The following SV2C variants were observed in gnomAD, a reference collection of about 807,000 sequenced individuals.
SV2C encodes solute carrier family 22 member B3.
Under a neutral mutation model 79.7 loss-of-function variants are expected in SV2C, and 49 were observed. That is an observed-to-expected ratio of 0.61 (90% CI 0.49 to 0.78). The LOEUF (loss-of-function observed/expected upper bound fraction) is 0.78, where lower values mean the gene tolerates loss of function less well. SV2C is among the 30% of genes least tolerant of loss of function. The pLI, the probability that SV2C is intolerant of heterozygous loss-of-function variation, is 0.00. For missense variants in SV2C, 833 were observed against 912.9 expected, an observed-to-expected ratio of 0.91 and a Z score of 1.13; for synonymous variants, 334 against 333.2, an observed-to-expected ratio of 1.00 and a Z score of -0.03.
the SV2C span, among the ~76,000 whole-genome samples, chr5:75,872,540 G>T: frequency 1.3e-5 from 2 of 152,008 alleles, no homozygotes; most frequent in Admixed American, 6.6e-5. Flanking sequence ...TAACAGAGGG[G>T]AATTGACAAA....
chr5:76,104,009 T>G (rs1747824223), intron 1 of SV2C, among the ~76,000 whole-genome samples: 1 of 152,192 alleles, frequency 6.6e-6, no homozygotes. Flanking sequence ...ATAAAAAGTA[T>G]ATACATCATG....
At chr5:76,166,932 G>A (rs886869950) in intron 2 of SV2C, among the ~76,000 whole-genome samples, 7 of 152,134 alleles carry the variant, frequency 4.6e-5, no homozygotes, top group African/African-American at 1.7e-4. Flanking sequence ...TGACCCAAGA[G>A]GTCTCCTCTA....
Position 76,208,510 on chromosome 5 carries a change from C to T in SV2C, c.762-1226C>T, listed in dbSNP as rs80290665. Among the ~76,000 whole-genome samples the T allele has an allele frequency of 6.4e-3, 979 of 152,268 alleles. 3 individuals carry two copies. The highest frequency in any genetic ancestry group is 0.01 in the Non-Finnish European group (707 of 68,024). ...TGATGCAGGATGACATTGTAAATCC[C>T]GTGGTTTATTTGGTACACTAGTTTG... On this transcript the variant is annotated intron_variant, in intron 3 of 12. Coordinates refer to ENST00000502798, the MANE Select transcript of SV2C (RefSeq NM_014979.4).
intron 4 of SV2C, among the ~76,000 whole-genome samples, chr5:76,214,272 C>T (rs1431284425): frequency 6.6e-6 from 1 of 152,146 alleles, no homozygotes; most frequent in Non-Finnish European, 1.5e-5. Flanking sequence ...TTTCCCAACA[C>T]CATTTATTGA....
upstream of SV2C, among the ~76,000 whole-genome samples, chr5:76,080,304 A>G: frequency 6.6e-6 from 1 of 152,222 alleles, no homozygotes. Context: ...TAAGAAGAGT[A>G]GGTGTCTGCA....
the SV2C span, among the ~76,000 whole-genome samples, chr5:75,968,868 A>C: frequency 6.6e-6 from 1 of 152,186 alleles, no homozygotes; most frequent in Non-Finnish European, 1.5e-5. Context: ...CAAGACACAT[A>C]ATTGTCAGAT....
At chr5:76,350,059 A>G (rs998908190) in intron 12 of SV2C, among the ~76,000 whole-genome samples, 8 of 152,184 alleles carry the variant, frequency 5.3e-5, no homozygotes, top group African/African-American at 1.9e-4. Context: ...TATGGACTCA[A>G]GGAGGTGTGT....
intron 2 of SV2C, among the ~76,000 whole-genome samples, chr5:76,149,785 G>A (rs1399119525): frequency 3.3e-5 from 5 of 152,154 alleles, no homozygotes; most frequent in Admixed American, 1.3e-4. Flanking sequence ...ACAGTGGGGG[G>A]ACATCTGTCC....
At chr5:75,914,229 T>C in the SV2C span, among the ~76,000 whole-genome samples, 3 of 152,204 alleles carry the variant, frequency 2.0e-5, no homozygotes, top group Non-Finnish European at 4.4e-5. Context: ...AGTTCTTTTA[T>C]AGCTGCCTTC....
At chr5:76,043,580 A>G in the SV2C span, among the ~76,000 whole-genome samples, 12 of 152,208 alleles carry the variant, frequency 7.9e-5, no homozygotes, top group East Asian at 2.3e-3. Context: ...TAATCTCCCA[A>G]CCCCATTCCA....
chr5:76,214,201 A>T (rs994588628), intron 4 of SV2C, among the ~76,000 whole-genome samples: 1 of 152,142 alleles, frequency 6.6e-6, no homozygotes, highest in Non-Finnish European at 1.5e-5. Flanking sequence ...TTTTAAGTTG[A>T]TTTTTATCTG....
chr5:75,888,186 GT>G, the SV2C span, among the ~76,000 whole-genome samples: 1 of 151,996 alleles, frequency 6.6e-6, no homozygotes, highest in Non-Finnish European at 1.5e-5. Flanking sequence ...GGGGGCTTCT[GT>G]ACCTCTCAAA....
the SV2C span, among the ~76,000 whole-genome samples, chr5:75,977,328 C>T: frequency 4.6e-5 from 7 of 152,282 alleles, no homozygotes; most frequent in East Asian, 1.9e-4. Context: ...ACAATAAGGA[C>T]GTCCTCTTTG....
the SV2C span, among the ~76,000 whole-genome samples, chr5:75,941,225 T>C: frequency 1.3e-5 from 2 of 152,230 alleles, no homozygotes; most frequent in African/African-American, 4.8e-5. Context: ...TACTTCTCGC[T>C]CACTTAAATC....
intron 4 of SV2C, among the ~76,000 whole-genome samples, chr5:76,273,150 T>G (rs978435911): frequency 7.2e-6 from 1 of 139,460 alleles, no homozygotes; most frequent in African/African-American, 2.7e-5. Context: ...AAAAAAGATA[T>G]ATATATATAT....
chr5:76,288,548 C>T (rs568443933), intron 6 of SV2C, among the ~76,000 whole-genome samples: 2 of 152,314 alleles, frequency 1.3e-5, no homozygotes, highest in South Asian at 4.1e-4. Flanking sequence ...CATCACTTAA[C>T]TCTTCTCAGC....
chr5:75,883,845 A>T, the SV2C span, among the ~76,000 whole-genome samples: 175 of 144,018 alleles, frequency 1.2e-3, 1 homozygote, highest in African/African-American at 4.1e-3. Context: ...AATAATATTT[A>T]AAAAAAAAAC....
the SV2C span, among the ~76,000 whole-genome samples, chr5:75,864,511 C>A: frequency 9.9e-5 from 15 of 152,120 alleles, no homozygotes; most frequent in African/African-American, 3.6e-4. Flanking sequence ...TGTTATACTC[C>A]TTTTTCCTGA....
the SV2C span, among the ~76,000 whole-genome samples, chr5:76,021,767 A>G: frequency 1.3e-5 from 2 of 152,188 alleles, no homozygotes; most frequent in South Asian, 4.1e-4. Context: ...TCTACCTTTC[A>G]TTTCATCCCA....
Sources: allele counts gnomAD v4.1 joint callset (sites outside exome capture counted in the v4.1 genomes callset), GRCh38; gene constraint gnomAD v4.1.1; transcripts MANE v1.5; gene names NCBI Gene and HGNC (gene_info 2026-07-23, HGNC 2026-07-21).